Variants in AIM2 observed in about 807,000 individuals in gnomAD.
AIM2 encodes interferon-inducible protein AIM2.
AIM2 carries 30 observed loss-of-function variants against 27.7 expected under a neutral mutation model. That is an observed-to-expected ratio of 1.08 (90% CI 0.81 to 1.47). The LOEUF (loss-of-function observed/expected upper bound fraction) is 1.47, where lower values mean the gene tolerates loss of function less well. Ranked by LOEUF, AIM2 falls within the 40% of genes most tolerant of loss-of-function variation. AIM2 has a pLI of 0.00. For synonymous variants in AIM2, 141 were observed against 145.3 expected (o/e 0.97, Z 0.21); for missense variants, 358 against 411.3 (o/e 0.87, Z 1.12).
At chr1:159,073,105 G>A (rs575247198) in intron 2 of AIM2, 133 bp downstream of exon 2, 1 of 1,100,428 alleles carries the variant, frequency 9.1e-7, no homozygotes, top group Non-Finnish European at 1.3e-6. Flanking sequence ...AGGGGGCAAA[G>A]AGACAGGTGC....
intron 4 of AIM2, 120 bp from the exon 5 acceptor site, chr1:159,063,794 C>T: frequency 1.9e-6 from 2 of 1,070,046 alleles, no homozygotes; most frequent in Non-Finnish European, 2.7e-6. Context: ...TTGAACAACA[C>T]AGATTTTACC....
the AIM2 span, among the ~76,000 whole-genome samples, chr1:159,056,431 A>G: frequency 6.6e-6 from 1 of 152,044 alleles, no homozygotes; most frequent in African/African-American, 2.4e-5. Context: ...AAGGATAAGG[A>G]TAAGGACAAA....
chr1:159,091,505 T>C (rs1657042254), intron 1 of AIM2, among the ~76,000 whole-genome samples: 2 of 152,360 alleles, frequency 1.3e-5, no homozygotes, highest in South Asian at 2.1e-4. Context: ...GTTACAAGAC[T>C]ATCTTATATG....
intron 1 of AIM2, among the ~76,000 whole-genome samples, chr1:159,098,269 G>A (rs754732781): frequency 1.3e-5 from 2 of 152,124 alleles, no homozygotes; most frequent in African/African-American, 2.4e-5. Flanking sequence ...GCACAAGCCA[G>A]GCACTGTGCT....
upstream of AIM2, among the ~76,000 whole-genome samples, chr1:159,141,512 G>C (rs992206519): frequency 2.0e-5 from 3 of 152,028 alleles, no homozygotes; most frequent in African/African-American, 7.2e-5. Flanking sequence ...CAAGGAAAAG[G>C]GTTTCCTTTC....
At chr1:159,079,195 A>G (rs991844063), upstream of AIM2, among the ~76,000 whole-genome samples, 5 of 152,186 alleles carry the variant, frequency 3.3e-5, no homozygotes, top group African/African-American at 1.2e-4. Context: ...CATTGCATCC[A>G]TGAAACAAAA....
intron 1 of AIM2, among the ~76,000 whole-genome samples, chr1:159,128,632 C>T (rs1647783970): frequency 6.6e-6 from 1 of 152,096 alleles, no homozygotes; most frequent in African/African-American, 2.4e-5. Flanking sequence ...CCTTCCTTCC[C>T]TCCCACACCC....
At chr1:159,110,956 G>A (rs1657560684) in intron 1 of AIM2, among the ~76,000 whole-genome samples, 1 of 152,078 alleles carries the variant, frequency 6.6e-6, no homozygotes, top group African/African-American at 2.4e-5. Flanking sequence ...ACCATCTAGG[G>A]AATTATACTT....
chr1:159,131,860 A>G (rs1403558009), intron 1 of AIM2, among the ~76,000 whole-genome samples: 2 of 152,238 alleles, frequency 1.3e-5, no homozygotes, highest in Admixed American at 6.5e-5. Context: ...TCTTGAATAT[A>G]TAGATCATGG....
At chr1:159,112,921 T>C (rs1654604573) in intron 1 of AIM2, among the ~76,000 whole-genome samples, 1 of 143,262 alleles carries the variant, frequency 7.0e-6, no homozygotes, top group Non-Finnish European at 1.5e-5. Flanking sequence ...GTTTCAAACC[T>C]AATATATACA....
At chr1:159,111,319 T>C (rs1382794059) in intron 1 of AIM2, among the ~76,000 whole-genome samples, 1 of 152,134 alleles carries the variant, frequency 6.6e-6, no homozygotes, top group Non-Finnish European at 1.5e-5. Flanking sequence ...TGGCGTAGGG[T>C]CTATTAAAAT....
chr1:159,146,916 T>C (rs1452927862), intron 1 of AIM2: 3 of 152,232 alleles, frequency 2.0e-5, no homozygotes, highest in Non-Finnish European at 4.4e-5. Flanking sequence ...CCTTTTAGTC[T>C]TTATCTCATC....
intron 1 of AIM2, among the ~76,000 whole-genome samples, chr1:159,131,351 ATATG>A (rs1232619288): frequency 6.6e-6 from 1 of 152,180 alleles, no homozygotes; most frequent in Non-Finnish European, 1.5e-5. Flanking sequence ...GTGCATATAT[ATATG>A]TATATGTATA....
intron 1 of AIM2, among the ~76,000 whole-genome samples, chr1:159,085,965 T>G (rs1200956942): frequency 6.6e-6 from 1 of 152,228 alleles, no homozygotes; most frequent in East Asian, 1.9e-4. Flanking sequence ...CTTTATCATT[T>G]CATAATGTAC....
intron 1 of AIM2, among the ~76,000 whole-genome samples, chr1:159,106,181 C>T (rs369714904): frequency 3.3e-5 from 5 of 152,132 alleles, no homozygotes; most frequent in East Asian, 1.9e-4. Flanking sequence ...ACGCTGGGTC[C>T]GGAGCTGCAG....
At chr1:159,058,041 T>C (rs1258471974), downstream of AIM2, among the ~76,000 whole-genome samples, 2 of 152,060 alleles carry the variant, frequency 1.3e-5, no homozygotes, top group Admixed American at 6.5e-5. Context: ...AAACTTGGAG[T>C]TCTTGGACCT....
At chr1:159,056,717 C>CAAAAAAAA in the AIM2 span, among the ~76,000 whole-genome samples, 8 of 44,208 alleles carry the variant, frequency 1.8e-4, 1 homozygote, top group Non-Finnish European at 2.9e-4. Context: ...GCCCAACCGG[C>CAAAAAAAA]AAAAAAAAAA....
At chr1:159,079,497 A>G (rs1461454211), upstream of AIM2, among the ~76,000 whole-genome samples, 1 of 152,220 alleles carries the variant, frequency 6.6e-6, no homozygotes, top group Non-Finnish European at 1.5e-5. Flanking sequence ...TGAATGAGAA[A>G]GAACACACAC....
chr1:159,087,241 C>T (rs1656936271), intron 1 of AIM2, among the ~76,000 whole-genome samples: 1 of 152,044 alleles, frequency 6.6e-6, no homozygotes, highest in Non-Finnish European at 1.5e-5. Context: ...TCCTACACTA[C>T]TCAATGTCCT....
Sources: allele counts gnomAD v4.1 joint callset (sites outside exome capture counted in the v4.1 genomes callset), GRCh38; gene constraint gnomAD v4.1.1; transcripts MANE v1.5; gene names NCBI Gene and HGNC (gene_info 2026-07-23, HGNC 2026-07-21).